NYAP2: variants seen among roughly 807,000 people sequenced by gnomAD.
The protein encoded by NYAP2 is neuronal tyrosine-phosphorylated phosphoinositide-3-kinase adapter 2.
Under a neutral mutation model 50.4 loss-of-function variants are expected in NYAP2, and 23 were observed. The ratio of observed to expected loss-of-function variants is 0.46; its 90% CI spans 0.33 to 0.65. The LOEUF (loss-of-function observed/expected upper bound fraction) is 0.65, where lower values mean the gene tolerates loss of function less well. Among genes scored for constraint, NYAP2 ranks in the 30% least tolerant of loss-of-function variants. NYAP2 has a pLI of 0.02. For missense variants in NYAP2, 885 were observed against 861.0 expected (o/e 1.03, Z -0.35); for synonymous variants, 394 against 365.2 (o/e 1.08, Z -0.90).
chr2:225,579,336 T>C (rs188936066), intron 4 of NYAP2, among the ~76,000 whole-genome samples: 2 of 152,308 alleles, frequency 1.3e-5, no homozygotes, highest in East Asian at 3.9e-4. Flanking sequence ...ATAAGAGCCA[T>C]ATGTTATATT....
intron 3 of NYAP2, among the ~76,000 whole-genome samples, chr2:225,443,789 C>T (rs116645054): frequency 0.016 from 2,484 of 152,178 alleles, 70 homozygotes; most frequent in African/African-American, 0.055. Context: ...GTAATTGTTC[C>T]ATATAATTGT....
At position 225,582,490 on chromosome 2, in the gene NYAP2, T is replaced by C. The variant is rs2106229736; in HGVS notation, c.1073T>C (p.Leu358Pro). The C allele has an allele frequency of 4.7e-6, 6 of 1,285,360 alleles. No homozygotes were observed. The highest frequency in any genetic ancestry group is 6.1e-6 in the Non-Finnish European group (6 of 985,962). 79.6% of individuals were successfully genotyped at this position (1,285,360 alleles called of 1,614,324 possible). A position where few individuals can be genotyped will look rare whatever the true frequency, so the allele number is the denominator to read the frequency against. The change falls in exon 5 of 7, where the codon CTG (leucine) becomes CCG (proline). Residue 358 changes from leucine (L) to proline (P), a missense_variant. Transcript: ENST00000636099. This position sits in a 1 kb window ranked among gnomAD's most constrained non-coding sequence, Gnocchi z 7.0. Reference sequence around the variant, plus strand: ...TCCGACGAGTCCCCGCTTACCCCTCTGGAGGTCACGAAGCTTCCCGTGCTG... The same window carrying C: ...TCCGACGAGTCCCCGCTTACCCCTCCGGAGGTCACGAAGCTTCCCGTGCTG...
intron 3 of NYAP2, among the ~76,000 whole-genome samples, chr2:225,410,600 CAA>C (rs948121219): frequency 1.3e-5 from 2 of 151,970 alleles, no homozygotes; most frequent in Non-Finnish European, 2.9e-5. Context: ...CATTAAAACT[CAA>C]TAATAAATCC....
chr2:225,651,389 A>G, intron 6 of NYAP2, 43 bp from the exon 7 acceptor site: 2 of 1,613,042 alleles, frequency 1.2e-6, no homozygotes, highest in Non-Finnish European at 1.7e-6. Context: ...ATTATTCCAG[A>G]TGTCAGTCAG....
the NYAP2 span, among the ~76,000 whole-genome samples, chr2:225,692,323 T>A: frequency 1.3e-5 from 2 of 152,148 alleles, no homozygotes; most frequent in South Asian, 4.1e-4. Flanking sequence ...TATGGAGATT[T>A]ATTATGGCAC....
At chr2:225,509,075 G>T (rs1017820104) in intron 3 of NYAP2, among the ~76,000 whole-genome samples, 6 of 152,110 alleles carry the variant, frequency 3.9e-5, no homozygotes, top group African/African-American at 1.4e-4. Flanking sequence ...TGGGAGCTAC[G>T]ACTGGTTCTC....
chr2:225,650,080 G>T (rs1328088421), intron 6 of NYAP2, among the ~76,000 whole-genome samples: 1 of 152,178 alleles, frequency 6.6e-6, no homozygotes, highest in African/African-American at 2.4e-5. Context: ...AGAGAGGAAA[G>T]GTGCATATGG....
chr2:225,569,950 T>C (rs1259524085), intron 4 of NYAP2, among the ~76,000 whole-genome samples: 3 of 152,062 alleles, frequency 2.0e-5, no homozygotes, highest in African/African-American at 4.8e-5. Flanking sequence ...ACTAGACTTG[T>C]GTAAAGGATG....
chr2:225,429,047 A>C (rs1480470409), intron 3 of NYAP2, among the ~76,000 whole-genome samples: 6 of 152,188 alleles, frequency 3.9e-5, no homozygotes, highest in Non-Finnish European at 7.3e-5. Context: ...AGTCTTAGAG[A>C]CTTTAAGAAA....
At chr2:225,528,564 G>A (rs1691196263) in intron 4 of NYAP2, among the ~76,000 whole-genome samples, 1 of 152,166 alleles carries the variant, frequency 6.6e-6, no homozygotes, top group Non-Finnish European at 1.5e-5. Flanking sequence ...AATGATATTA[G>A]GATTAAAATT....
intron 3 of NYAP2, among the ~76,000 whole-genome samples, chr2:225,462,776 T>A (rs758665432): frequency 6.7e-6 from 1 of 150,054 alleles, no homozygotes; most frequent in Non-Finnish European, 1.5e-5. Context: ...CCCCCTCTAG[T>A]AGCTTCAGTT....
At chr2:225,691,845 A>G in the NYAP2 span, among the ~76,000 whole-genome samples, 3 of 152,120 alleles carry the variant, frequency 2.0e-5, no homozygotes, top group Non-Finnish European at 2.9e-5. Context: ...GAGAACTTTG[A>G]GAACTCCAGC....
chr2:225,638,022 G>C (rs1693452162), intron 6 of NYAP2, among the ~76,000 whole-genome samples: 1 of 152,150 alleles, frequency 6.6e-6, no homozygotes, highest in South Asian at 2.1e-4. Flanking sequence ...CTCATTTCTA[G>C]CCTAGGAAAG....
intron 3 of NYAP2, among the ~76,000 whole-genome samples, chr2:225,486,993 T>C (rs1422201380): frequency 6.6e-6 from 1 of 152,196 alleles, no homozygotes; most frequent in Non-Finnish European, 1.5e-5. Context: ...CTTTTGAAAT[T>C]ATAGGTAGAC....
At chr2:225,615,457 G>A (rs890961211) in intron 5 of NYAP2, among the ~76,000 whole-genome samples, 8 of 152,092 alleles carry the variant, frequency 5.3e-5, no homozygotes, top group South Asian at 2.1e-4. Flanking sequence ...TAATTCCAAC[G>A]TCTGGATATT....
chr2:225,538,936 G>C (rs1691407299), intron 4 of NYAP2, among the ~76,000 whole-genome samples: 1 of 151,384 alleles, frequency 6.6e-6, no homozygotes, highest in East Asian at 1.9e-4. Flanking sequence ...ATGGTGACTT[G>C]CTGCACCCAA....
At chr2:225,659,099 C>T in the NYAP2 span, among the ~76,000 whole-genome samples, 95,364 of 152,028 alleles carry the variant, frequency 0.63, 30,894 homozygotes, top group South Asian at 0.82. Flanking sequence ...AAGATGTTCT[C>T]AAAGAAGTCT....
intron 3 of NYAP2, among the ~76,000 whole-genome samples, chr2:225,459,548 T>A (rs1043080241): frequency 2.0e-5 from 3 of 152,204 alleles, no homozygotes; most frequent in African/African-American, 7.2e-5. Flanking sequence ...ATTGAATAAT[T>A]AAGCATATAT....
chr2:225,415,696 C>T (rs1351445369), intron 3 of NYAP2, among the ~76,000 whole-genome samples: 6 of 151,892 alleles, frequency 4.0e-5, no homozygotes, highest in Admixed American at 3.3e-4. Context: ...AGTGAGATAC[C>T]CTATTTCTAC....
Sources: gnomAD v4.1 joint callset for allele counts (sites outside exome capture counted in the v4.1 genomes callset) on GRCh38, gnomAD v4.1.1 for gene constraint, Gnocchi (gnomAD v3.1) non-coding constraint, MANE v1.5 for transcripts, NCBI Gene and HGNC (gene_info 2026-07-23, HGNC 2026-07-21) for gene names.